Variants in KCNN1 observed in about 807,000 individuals in gnomAD.
KCNN1 encodes the protein potassium calcium-activated channel subfamily N member 1.
In KCNN1, 20 loss-of-function variants were observed where a neutral mutation model predicts 44.7. The ratio of observed to expected loss-of-function variants is 0.45; its 90% CI spans 0.32 to 0.65. The LOEUF is 0.65. Among genes scored for constraint, KCNN1 ranks in the 30% least tolerant of loss-of-function variants. The probability of loss-of-function intolerance (pLI) is 0.05; values close to 1 mark genes in which losing one functional copy is unlikely to be tolerated. For missense variants in KCNN1, 632 were observed against 785.3 expected, an observed-to-expected ratio of 0.80 and a Z score of 2.33; for synonymous variants, 324 against 341.7, an observed-to-expected ratio of 0.95 and a Z score of 0.57.
At position 17,993,442 on chromosome 19, in the gene KCNN1, T is replaced by A; in HGVS notation, c.1308-48T>A. 1 of 1,432,070 alleles carries A rather than the reference T, an allele frequency of 7.0e-7. No individual in the cohort carries two copies. Among genetic ancestry groups the A allele is most frequent in the Non-Finnish European group, 9.8e-7 (1 of 1,022,480 alleles). The allele number at this position is 1,432,070 out of a possible 1,614,324, so 88.7% of individuals were successfully genotyped here. On this transcript the variant is annotated intron_variant, in intron 8 of 9. Transcript: ENST00000684775. This position sits in a 1 kb window ranked among gnomAD's most constrained non-coding sequence, Gnocchi z 4.5. The stretch of plus-strand genomic sequence containing the variant: ...GAAAGTCCCTGCCCCCACTGCAGCC[T>A]CCACGGGAACCTGCCTAACCCCCTC...
chr19:17,968,120 G>A (rs1179415034), intron 1 of KCNN1, among the ~76,000 whole-genome samples: 2 of 151,444 alleles, frequency 1.3e-5, no homozygotes, highest in African/African-American at 4.9e-5. Flanking sequence ...GGGGATCCTC[G>A]GAGACCTTCC....
chr19:17,959,352 A>G (rs2031624763), intron 2 of KCNN1, among the ~76,000 whole-genome samples: 1 of 151,604 alleles, frequency 6.6e-6, no homozygotes, highest in South Asian at 2.1e-4. Flanking sequence ...TCCGCCTCCT[A>G]GGTTCAAGTG....
In KCNN1 at chr19:17,998,078, A is replaced by G. The variant is rs917803371; in HGVS notation, c.1378-74A>G. 1.4e-6 allele frequency: 2 copies of G among 1,444,676 alleles called. No homozygotes were observed. Among genetic ancestry groups the G allele is most frequent in the East Asian group, 2.5e-5 (1 of 39,724 alleles). The allele number at this position is 1,444,676 out of a possible 1,614,324, so 89.5% of individuals were successfully genotyped here. ...AGCGTGTGGGCTGTCCCTCTCTGTC[A>G]TTGGTGTCGTGGTATCGTCCTTTCC... On this transcript the variant is annotated intron_variant, in intron 9 of 9. Transcript: ENST00000684775. This position sits in a 1 kb window ranked among gnomAD's most constrained non-coding sequence, Gnocchi z 5.4.
chr19:17,998,609 C>G lies in KCNN1; in HGVS notation c.*203C>G, dbSNP rs1020292167. On this transcript the variant is annotated 3_prime_UTR_variant, in exon 10 of 10. Coordinates refer to ENST00000684775, the MANE Select transcript of KCNN1 (RefSeq NM_001386974.1). The surrounding 1 kb of genome is among the most constrained non-coding windows in gnomAD (Gnocchi z 5.4). ...AGGGCAGGGGAGCCCGGAGCTTCCTCTGGTCACCTGGTCCCCCGACTCTCC... is the reference window on the plus strand; with the variant it reads ...AGGGCAGGGGAGCCCGGAGCTTCCTGTGGTCACCTGGTCCCCCGACTCTCC... 4.0e-6 allele frequency: 2 copies of G among 503,088 alleles called. No individual in the cohort carries two copies. The highest frequency in any genetic ancestry group is 4.0e-5 in the African/African-American group (2 of 50,140). 31.2% of individuals were successfully genotyped at this position (503,088 alleles called of 1,614,324 possible). A position where few individuals can be genotyped will look rare whatever the true frequency, so the allele number is the denominator to read the frequency against.
chr19:17,968,500 G>A (rs745591714), intron 1 of KCNN1, among the ~76,000 whole-genome samples: 9 of 152,152 alleles, frequency 5.9e-5, no homozygotes, highest in Non-Finnish European at 1.0e-4. Context: ...CCCTGGCAGG[G>A]GTACCTAGGG....
chr19:17,996,407 A>G (rs1308585224), intron 9 of KCNN1, among the ~76,000 whole-genome samples: 2 of 152,084 alleles, frequency 1.3e-5, no homozygotes, highest in African/African-American at 4.8e-5. Flanking sequence ...GGAGTTCAAG[A>G]CCAGCCTGGC....
intron 1 of KCNN1, among the ~76,000 whole-genome samples, chr19:17,952,842 T>TC (rs1172905780): frequency 1.3e-5 from 2 of 151,368 alleles, no homozygotes; most frequent in African/African-American, 4.9e-5. Context: ...CTCCCTCCCT[T>TC]CCCCCCTCCC....
chr19:17,954,817 C>G (rs965897278), intron 2 of KCNN1: 1 of 152,108 alleles, frequency 6.6e-6, no homozygotes. Context: ...GCAGGTGGAT[C>G]ACTTGAGGTC....
In KCNN1 at chr19:17,985,573, C is replaced by T. The variant is rs756442882; in HGVS notation, c.1059+120C>T. 34 of 880,166 alleles carry T rather than the reference C, an allele frequency of 3.9e-5. No individual in the cohort carries two copies. In the Admixed American group the frequency reaches 4.9e-4, roughly 13 times the overall value. The allele number at this position is 880,166 out of a possible 1,614,324, so 54.5% of individuals were successfully genotyped here. ...CCCATCACGAGCTGTGCCTGATCAG[C>T]GTCCCTCCATCTGTCAGTCCACCCC... On this transcript the variant is annotated intron_variant, in intron 5 of 9. Coordinates refer to ENST00000684775, the MANE Select transcript of KCNN1 (RefSeq NM_001386974.1).
rs2033057676 is a variant in KCNN1 at position 17,998,027 on chromosome 19, C to T, written c.1378-125C>T. The T allele has an allele frequency of 1.9e-6, 2 of 1,079,708 alleles. No individual in the cohort carries two copies. Among genetic ancestry groups the T allele is most frequent in the Admixed American group, 3.1e-5 (1 of 31,876 alleles). 66.9% of individuals were successfully genotyped at this position (1,079,708 alleles called of 1,614,324 possible). A position where few individuals can be genotyped will look rare whatever the true frequency, so the allele number is the denominator to read the frequency against. ...CCTCCCAGCCACCCCTCACACGGGC[C>T]CCATTAGTGGCTGGCACCCACCTGG... On this transcript the variant is annotated intron_variant, in intron 9 of 9. Transcript: ENST00000684775. The surrounding 1 kb of genome is among the most constrained non-coding windows in gnomAD (Gnocchi z 5.4).
chr19:17,958,562 T>C (rs2031599246), intron 2 of KCNN1, among the ~76,000 whole-genome samples: 1 of 147,390 alleles, frequency 6.8e-6, no homozygotes, highest in East Asian at 2.1e-4. Context: ...CTCAGCTCAC[T>C]GCAACCTCCA....
At chr19:17,977,174 T>G (rs1216410998) in intron 3 of KCNN1, among the ~76,000 whole-genome samples, 1 of 152,082 alleles carries the variant, frequency 6.6e-6, no homozygotes, top group East Asian at 1.9e-4. Flanking sequence ...TAGCTTTTGG[T>G]TGCTGCTGGC....
intron 2 of KCNN1, among the ~76,000 whole-genome samples, chr19:17,958,595 C>T (rs372835681): frequency 6.6e-6 from 1 of 150,908 alleles, no homozygotes; most frequent in Admixed American, 6.6e-5. Flanking sequence ...AAGTGATTCT[C>T]GTGCCTTAAC....
intron 2 of KCNN1, among the ~76,000 whole-genome samples, chr19:17,957,464 G>A (rs541974210): frequency 6.6e-6 from 1 of 152,250 alleles, no homozygotes; most frequent in East Asian, 1.9e-4. Context: ...TCTTGTAAAA[G>A]TCAGAGAGGC....
chr19:17,991,304 A>T (rs1875239368), intron 7 of KCNN1, among the ~76,000 whole-genome samples: 3 of 152,128 alleles, frequency 2.0e-5, no homozygotes, highest in Admixed American at 2.0e-4. Flanking sequence ...TAAAAAAATT[A>T]GCCCAGTGTG....
chr19:17,994,684 C>G (rs1356367609), intron 9 of KCNN1, among the ~76,000 whole-genome samples: 1 of 152,140 alleles, frequency 6.6e-6, no homozygotes, highest in East Asian at 1.9e-4. Flanking sequence ...GCTGGGATTA[C>G]AGGCATGCAC....
chr19:17,985,570 C>A, intron 5 of KCNN1, 117 bp downstream of exon 5: 2 of 901,414 alleles, frequency 2.2e-6, no homozygotes, highest in Non-Finnish European at 3.2e-6. Context: ...TGTGCCTGAT[C>A]AGCGTCCCTC....
rs1599991157 is a variant in KCNN1 at position 17,956,151 on chromosome 19, T to G, written c.-82+1470T>G. Reference sequence around the variant, plus strand: ...TGGGGTTTCCCCATGTTGGCCGGGCTGGTCTCGAACTCCTGACCTCAGGTG... The same window carrying G: ...TGGGGTTTCCCCATGTTGGCCGGGCGGGTCTCGAACTCCTGACCTCAGGTG... On this transcript the variant is annotated intron_variant, in intron 2 of 10. Coordinates refer to the KCNN1 transcript ENST00000222249. Among the ~76,000 whole-genome samples the G allele has an allele frequency of 2.0e-5, 3 of 152,132 alleles. No individual in the cohort carries two copies. The South Asian group carries it at 6.2e-4, about 31-fold the overall frequency.
At chr19:17,982,206 C>G in intron 4 of KCNN1, 79 bp downstream of exon 4, 1 of 1,209,688 alleles carries the variant, frequency 8.3e-7, no homozygotes, top group Non-Finnish European at 1.1e-6. Context: ...ATGATTTCAC[C>G]GACCCTGGGC....
Sources: allele counts gnomAD v4.1 joint callset (sites outside exome capture counted in the v4.1 genomes callset), GRCh38; gene constraint gnomAD v4.1.1; non-coding constraint Gnocchi (gnomAD v3.1); transcripts MANE v1.5; gene names NCBI Gene and HGNC (gene_info 2026-07-23, HGNC 2026-07-21).